Variants in LINGO2 observed in about 807,000 individuals in gnomAD.
LINGO2 encodes leucine rich repeat and Ig domain containing 2, also known as leucine-rich repeat and immunoglobulin-like domain-containing nogo receptor-interacting protein 2.
A neutral mutation model predicts 30.6 loss-of-function variants in LINGO2; 14 were observed. The ratio of observed to expected loss-of-function variants is 0.46; its 90% CI spans 0.30 to 0.72. The LOEUF (loss-of-function observed/expected upper bound fraction) is 0.72. LINGO2 is among the 30% of genes least tolerant of loss of function. The pLI, the probability that LINGO2 is intolerant of heterozygous loss-of-function variation, is 0.07. For synonymous variants in LINGO2, 317 were observed against 288.5 expected, an observed-to-expected ratio of 1.10 and a Z score of -1.00; for missense variants, 729 against 751.7, an observed-to-expected ratio of 0.97 and a Z score of 0.35.
chr9:28,126,472 C>T (rs548282047), intron 4 of LINGO2, among the ~76,000 whole-genome samples: 3 of 152,214 alleles, frequency 2.0e-5, no homozygotes, highest in Non-Finnish European at 2.9e-5. Context: ...ATCTCCCAAA[C>T]GAACTGATGT....
chr9:28,844,931 T>C, the LINGO2 span, among the ~76,000 whole-genome samples: 110 of 152,024 alleles, frequency 7.2e-4, 2 homozygotes, highest in African/African-American at 2.4e-3. Context: ...CACAGTTTTA[T>C]TGTTCTCTTC....
intron 3 of LINGO2, among the ~76,000 whole-genome samples, chr9:28,306,485 C>T (rs1587432075): frequency 6.6e-6 from 1 of 151,860 alleles, no homozygotes. Flanking sequence ...AGGAAAGATC[C>T]AAAACTGACA....
At chr9:28,463,839 A>G (rs1427518536) in intron 2 of LINGO2, among the ~76,000 whole-genome samples, 1 of 152,164 alleles carries the variant, frequency 6.6e-6, no homozygotes, top group African/African-American at 2.4e-5. Flanking sequence ...AGGAAAAAAT[A>G]TCTTTAACAG....
chr9:28,634,463 A>ACTTTCTTT (rs1827153806), intron 1 of LINGO2, among the ~76,000 whole-genome samples: 1 of 140,966 alleles, frequency 7.1e-6, no homozygotes, highest in Non-Finnish European at 1.5e-5. Flanking sequence ...CTCCCCCCAC[A>ACTTTCTTT]CTTTCTTTCT....
At chr9:28,076,970 G>A (rs922519881) in intron 4 of LINGO2, among the ~76,000 whole-genome samples, 3 of 152,102 alleles carry the variant, frequency 2.0e-5, no homozygotes, top group African/African-American at 7.2e-5. Context: ...TGGAAATTGT[G>A]CAGTAAGGTT....
At chr9:28,813,742 A>G in the LINGO2 span, among the ~76,000 whole-genome samples, 1 of 152,218 alleles carries the variant, frequency 6.6e-6, no homozygotes, top group Non-Finnish European at 1.5e-5. Context: ...AGGTACAAGT[A>G]TAATAATTGA....
At chr9:28,702,962 G>T in the LINGO2 span, among the ~76,000 whole-genome samples, 8 of 151,652 alleles carry the variant, frequency 5.3e-5, no homozygotes, top group Non-Finnish European at 1.2e-4. Flanking sequence ...GATGTCTAAG[G>T]TATCTGTAGT....
At chr9:28,630,405 A>G (rs1409842133) in intron 1 of LINGO2, among the ~76,000 whole-genome samples, 1 of 152,068 alleles carries the variant, frequency 6.6e-6, no homozygotes, top group Admixed American at 6.6e-5. Flanking sequence ...CTTGACATAA[A>G]CACTCAAGAA....
the LINGO2 span, among the ~76,000 whole-genome samples, chr9:28,764,681 T>C: frequency 3.0e-4 from 45 of 151,790 alleles, no homozygotes; most frequent in African/African-American, 1.0e-3. Flanking sequence ...AAATAAAATA[T>C]ATCTGAATTA....
At chr9:29,047,091 T>A in the LINGO2 span, among the ~76,000 whole-genome samples, 2 of 121,866 alleles carry the variant, frequency 1.6e-5, no homozygotes, top group African/African-American at 3.0e-5. Context: ...AAAGGAGCTA[T>A]CAACAGAGTA....
intron 4 of LINGO2, among the ~76,000 whole-genome samples, chr9:28,049,143 C>T (rs1824556765): frequency 6.6e-6 from 1 of 150,808 alleles, no homozygotes; most frequent in South Asian, 2.1e-4. Flanking sequence ...TGCCTTTATC[C>T]TAGTCAGCAA....
chr9:28,509,983 C>G (rs934772442), intron 1 of LINGO2, among the ~76,000 whole-genome samples: 1 of 152,206 alleles, frequency 6.6e-6, no homozygotes, highest in Non-Finnish European at 1.5e-5. Context: ...TAACTGGTAT[C>G]AATGCAGTGG....
At chr9:28,404,403 A>G (rs933015403) in intron 2 of LINGO2, among the ~76,000 whole-genome samples, 27 of 152,302 alleles carry the variant, frequency 1.8e-4, no homozygotes. Flanking sequence ...TATTAAACCT[A>G]ACAGGTAGTC....
At chr9:28,226,649 AAG>A (rs1821166978) in intron 4 of LINGO2, among the ~76,000 whole-genome samples, 1 of 48,350 alleles carries the variant, frequency 2.1e-5, no homozygotes, top group Non-Finnish European at 4.0e-5. Flanking sequence ...GAAGGAAAGA[AAG>A]AAAGAAAGAA....
chr9:28,203,699 G>A (rs1164004950), intron 4 of LINGO2, among the ~76,000 whole-genome samples: 3 of 152,118 alleles, frequency 2.0e-5, no homozygotes, highest in African/African-American at 7.2e-5. Context: ...ACCAGTGGAA[G>A]AAATAAAATA....
the LINGO2 span, among the ~76,000 whole-genome samples, chr9:28,845,176 G>A: frequency 1.7e-4 from 26 of 151,736 alleles, no homozygotes; most frequent in Non-Finnish European, 3.1e-4. Flanking sequence ...TGTAAGCCTC[G>A]GATAAGAATG....
intron 2 of LINGO2, among the ~76,000 whole-genome samples, chr9:28,433,633 T>C (rs895502887): frequency 1.3e-5 from 2 of 152,160 alleles, no homozygotes; most frequent in Admixed American, 1.3e-4. Flanking sequence ...GCATTAGATG[T>C]TGACATGGAT....
chr9:28,289,414 T>C (rs934654487), intron 4 of LINGO2, among the ~76,000 whole-genome samples: 1 of 152,182 alleles, frequency 6.6e-6, no homozygotes, highest in African/African-American at 2.4e-5. Flanking sequence ...AGGATTCACT[T>C]TGAAGGGCTA....
At chr9:27,960,702 C>A (rs367902147) in intron 5 of LINGO2, among the ~76,000 whole-genome samples, 8 of 134,932 alleles carry the variant, frequency 5.9e-5, no homozygotes, top group African/African-American at 1.9e-4. Context: ...TTATTTCTTG[C>A]TTTTGAATCT....
Sources: gnomAD v4.1 joint callset for allele counts (sites outside exome capture counted in the v4.1 genomes callset) on GRCh38, gnomAD v4.1.1 for gene constraint, MANE v1.5 for transcripts, NCBI Gene and HGNC (gene_info 2026-07-23, HGNC 2026-07-21) for gene names.